Variants in LRRIQ1 observed in about 807,000 individuals in gnomAD.
LRRIQ1 encodes leucine-rich repeat- and IQ domain-containing protein 1.
A neutral mutation model predicts 211.9 loss-of-function variants in LRRIQ1; 210 were observed. The ratio of observed to expected loss-of-function variants is 0.99; its 90% CI spans 0.89 to 1.11. The LOEUF is 1.11. Ranked by LOEUF, LRRIQ1 falls within the 50% of genes most tolerant of loss-of-function variation. LRRIQ1 has a pLI of 0.00. For synonymous variants in LRRIQ1, 699 were observed against 650.1 expected (o/e 1.08, Z -1.14); for missense variants, 2,136 against 1,939.5 (o/e 1.10, Z -1.90).
At chr12:85,061,352 G>A (rs1043827748) in intron 8 of LRRIQ1, among the ~76,000 whole-genome samples, 1 of 151,670 alleles carries the variant, frequency 6.6e-6, no homozygotes, top group African/African-American at 2.4e-5. Flanking sequence ...GGAAAAATCT[G>A]TGGTCGAGTA....
chr12:85,205,034 G>A (rs564261559), intron 24 of LRRIQ1, among the ~76,000 whole-genome samples: 3 of 152,194 alleles, frequency 2.0e-5, no homozygotes, highest in South Asian at 4.1e-4. Context: ...AAATCAGGGG[G>A]GTGGTTTCTC....
intron 24 of LRRIQ1, among the ~76,000 whole-genome samples, chr12:85,186,233 G>A (rs1450959937): frequency 6.6e-6 from 1 of 152,130 alleles, no homozygotes; most frequent in Non-Finnish European, 1.5e-5. Context: ...CTAGAATTAA[G>A]CTCTAAGTAC....
chr12:85,252,230 T>C (rs528429459), intron 1 of LRRIQ1, among the ~76,000 whole-genome samples: 1 of 151,912 alleles, frequency 6.6e-6, no homozygotes, highest in Non-Finnish European at 1.5e-5. Flanking sequence ...TATTTAGTAG[T>C]TGATTTTTAA....
At chr12:85,094,873 T>G (rs1885729479) in intron 11 of LRRIQ1, among the ~76,000 whole-genome samples, 1 of 152,232 alleles carries the variant, frequency 6.6e-6, no homozygotes, top group Middle Eastern at 3.4e-3. Flanking sequence ...TTTGTGTGTG[T>G]ATGTCTATTG....
chr12:85,160,479 A>G, intron 23 of LRRIQ1, 134 bp from the exon 24 acceptor site: 1 of 507,310 alleles, frequency 2.0e-6, no homozygotes, highest in Non-Finnish European at 3.5e-6. Context: ...GCTTAATATA[A>G]CATCATCATC....
chr12:85,271,254 C>T, the LRRIQ1 span, among the ~76,000 whole-genome samples: 75 of 152,200 alleles, frequency 4.9e-4, no homozygotes, highest in Non-Finnish European at 8.4e-4. Flanking sequence ...CTGTAACACA[C>T]GTTGTTCAGT....
At chr12:85,267,356 C>A (rs1593040152), downstream of LRRIQ1, among the ~76,000 whole-genome samples, 1 of 152,062 alleles carries the variant, frequency 6.6e-6, no homozygotes, top group South Asian at 2.1e-4. Context: ...CATTGTCTTA[C>A]ACGAGAAAAT....
At chr12:85,080,295 T>G (rs1033430472) in intron 11 of LRRIQ1, among the ~76,000 whole-genome samples, 1 of 152,044 alleles carries the variant, frequency 6.6e-6, no homozygotes, top group Non-Finnish European at 1.5e-5. Flanking sequence ...TCATTGTGCC[T>G]CCTAAATCTG....
chr12:85,190,755 A>C (rs1341157120), intron 24 of LRRIQ1, among the ~76,000 whole-genome samples: 2 of 151,794 alleles, frequency 1.3e-5, no homozygotes, highest in Non-Finnish European at 2.9e-5. Context: ...AATTTTTGTG[A>C]GATAATGTAC....
intron 6 of LRRIQ1, among the ~76,000 whole-genome samples, chr12:85,051,348 T>C (rs867591619): frequency 3.0e-4 from 45 of 152,300 alleles, no homozygotes; most frequent in African/African-American, 1.1e-3. Context: ...CTTTATGAAT[T>C]ATCTAGCCTC....
At chr12:85,071,784 G>A (rs1370730788) in intron 10 of LRRIQ1, among the ~76,000 whole-genome samples, 1 of 152,008 alleles carries the variant, frequency 6.6e-6, no homozygotes, top group Admixed American at 6.6e-5. Flanking sequence ...TTGTGCAGGG[G>A]AACTCCCATT....
Position 85,232,694 on chromosome 12 carries a change from A to T in LRRIQ1, c.4956-2A>T. 1 of 1,610,688 alleles carries T rather than the reference A, an allele frequency of 6.2e-7. No homozygotes were observed. On this transcript the variant is annotated splice_acceptor_variant, in intron 25 of 26. Coordinates refer to ENST00000393217, the MANE Select transcript of LRRIQ1 (RefSeq NM_001079910.2). LOFTEE classifies it high-confidence loss of function. ...ATACTTTCTGTTTTTGTCACTATGC[A>T]GCAATCACTTTTTGCCTGAGTTAGA...
intron 1 of LRRIQ1, among the ~76,000 whole-genome samples, chr12:85,256,563 A>G (rs1011469132): frequency 1.3e-5 from 2 of 151,656 alleles, no homozygotes; most frequent in African/African-American, 2.4e-5. Flanking sequence ...ATGAAAATGA[A>G]TAATGAAAGT....
At chr12:85,134,388 T>A (rs766370082) in intron 18 of LRRIQ1, among the ~76,000 whole-genome samples, 3 of 152,092 alleles carry the variant, frequency 2.0e-5, no homozygotes, top group Non-Finnish European at 4.4e-5. Context: ...TAGCATACAG[T>A]TTAGTTCCCT....
chr12:85,244,654 A>G (rs539589764), intron 26 of LRRIQ1, 135 bp from the exon 27 acceptor site: 9 of 773,108 alleles, frequency 1.2e-5, no homozygotes, highest in East Asian at 1.1e-4. Context: ...CTGGGCAGCA[A>G]TAAAGGATTG....
intron 1 of LRRIQ1, 117 bp from the exon 2 acceptor site, chr12:85,038,036 G>A (rs1383491369): frequency 3.8e-6 from 2 of 530,710 alleles, no homozygotes; most frequent in East Asian, 3.7e-5. Flanking sequence ...CCATAATAAG[G>A]TGTGATAAAA....
At position 85,154,035 on chromosome 12, in the gene LRRIQ1, C is replaced by G; in HGVS notation, c.4661C>G (p.Ala1554Gly). Reference sequence around the variant, plus strand: ...AGGGGCTTTAAGGATATTTCTACTGCTCAGCAAATGTTGAAGAGGGCACAG... The same window carrying G: ...AGGGGCTTTAAGGATATTTCTACTGGTCAGCAAATGTTGAAGAGGGCACAG... ...EEWGFKDIST[A>G]QQMLKRAQKM... The change falls in exon 23 of 27, where the codon GCT (alanine) becomes GGT (glycine). Residue 1554 changes from alanine to glycine, a missense_variant. By Grantham distance (60) the Ala-to-Gly change is moderately conservative. Coordinates refer to ENST00000393217, the MANE Select transcript of LRRIQ1 (RefSeq NM_001079910.2). 1 of 1,567,976 alleles carries G rather than the reference C, an allele frequency of 6.4e-7. No homozygotes were observed. Among genetic ancestry groups the G allele is most frequent in the Non-Finnish European group, 8.6e-7 (1 of 1,157,560 alleles).
intron 24 of LRRIQ1, among the ~76,000 whole-genome samples, chr12:85,212,747 ATATT>A (rs1350846159): frequency 6.7e-6 from 1 of 149,654 alleles, no homozygotes; most frequent in Non-Finnish European, 1.5e-5. Context: ...TATATGGAAT[ATATT>A]TATAATACGT....
chr12:85,272,515 G>C, the LRRIQ1 span, among the ~76,000 whole-genome samples: 1 of 151,456 alleles, frequency 6.6e-6, no homozygotes, highest in Non-Finnish European at 1.5e-5. Flanking sequence ...TTAGTTTATA[G>C]TAATTTTAAT....
Sources: allele counts gnomAD v4.1 joint callset (sites outside exome capture counted in the v4.1 genomes callset), GRCh38; gene constraint gnomAD v4.1.1; transcripts MANE v1.5; gene names NCBI Gene and HGNC (gene_info 2026-07-23, HGNC 2026-07-21).